The following MAN2A1 variants were observed in gnomAD, a reference collection of about 807,000 sequenced individuals.
MAN2A1 encodes alpha-mannosidase 2.
MAN2A1 carries 76 observed loss-of-function variants against 142.6 expected under a neutral mutation model. The observed-to-expected ratio is 0.53, with a 90% CI of 0.44 to 0.65. The LOEUF (loss-of-function observed/expected upper bound fraction) is 0.65. Among genes scored for constraint, MAN2A1 ranks in the 30% least tolerant of loss-of-function variants. The pLI, the probability that MAN2A1 is intolerant of heterozygous loss-of-function variation, is 0.00. For missense variants in MAN2A1, 1,311 were observed against 1,365.1 expected (o/e 0.96, Z 0.62); for synonymous variants, 559 against 473.2 (o/e 1.18, Z -2.35).
At chr5:109,798,776 G>A (rs1753933760) in intron 12 of MAN2A1, among the ~76,000 whole-genome samples, 1 of 152,106 alleles carries the variant, frequency 6.6e-6, no homozygotes, top group African/African-American at 2.4e-5. Flanking sequence ...CCGCCTCCCA[G>A]GTTCACACCA....
intron 3 of MAN2A1, among the ~76,000 whole-genome samples, chr5:109,725,711 C>T (rs1030169566): frequency 1.3e-5 from 2 of 152,132 alleles, no homozygotes; most frequent in African/African-American, 2.4e-5. Flanking sequence ...AGTGTATATG[C>T]CCTTGAACCA....
rs539836839 is a variant in MAN2A1, at chr5:109,782,485, C to A, written c.1577+887C>A. Among the ~76,000 whole-genome samples, 6 of 152,304 alleles carry A rather than the reference C, an allele frequency of 3.9e-5. No homozygotes were observed. The East Asian group carries it at 1.2e-3, about 29-fold the overall frequency. On this transcript the variant is annotated intron_variant, in intron 9 of 21. Coordinates refer to ENST00000261483, the MANE Select transcript of MAN2A1 (RefSeq NM_002372.4). ...AGGCTGGTTGTTGATAAAGTTAAAA[C>A]TACTCCAGAGGCTCCCAAAGTTTTC...
intron 4 of MAN2A1, among the ~76,000 whole-genome samples, chr5:109,740,452 TCA>T (rs1752235487): frequency 6.6e-6 from 1 of 152,196 alleles, no homozygotes; most frequent in Non-Finnish European, 1.5e-5. Context: ...ATGTGCTGCT[TCA>T]CAGAGTCCAG....
intron 7 of MAN2A1, 146 bp downstream of exon 7, chr5:109,770,687 A>C: frequency 1.4e-6 from 1 of 707,368 alleles, no homozygotes; most frequent in South Asian, 2.0e-5. Context: ...AAAGCAACTT[A>C]AAAATGCCAG....
intron 2 of MAN2A1, among the ~76,000 whole-genome samples, chr5:109,715,772 C>T (rs1449094002): frequency 1.3e-5 from 2 of 152,006 alleles, no homozygotes; most frequent in African/African-American, 2.4e-5. Flanking sequence ...AATATCTGGT[C>T]ATAATCAAAT....
chr5:109,848,721 A>G (rs908467988), intron 19 of MAN2A1, among the ~76,000 whole-genome samples: 2 of 152,178 alleles, frequency 1.3e-5, no homozygotes, highest in South Asian at 4.2e-4. Flanking sequence ...TGCTCCTCAT[A>G]TCCAACACTT....
At chr5:109,792,105 G>T (rs965728251) in intron 12 of MAN2A1, among the ~76,000 whole-genome samples, 1 of 151,998 alleles carries the variant, frequency 6.6e-6, no homozygotes, top group African/African-American at 2.4e-5. Flanking sequence ...ATAACGCATT[G>T]CCATTGGCTT....
At chr5:109,795,507 T>A (rs1753835768) in intron 12 of MAN2A1, among the ~76,000 whole-genome samples, 1 of 152,190 alleles carries the variant, frequency 6.6e-6, no homozygotes, top group African/African-American at 2.4e-5. Flanking sequence ...TGAACAGTTG[T>A]AGGAATACCA....
At position 109,689,996 on chromosome 5, in the gene MAN2A1, C is replaced by T. The variant is rs1417113934; in HGVS notation, c.-422C>T. 1 of 174,972 alleles carries T rather than the reference C, an allele frequency of 5.7e-6. No homozygotes were observed. The highest frequency in any genetic ancestry group is 1.6e-4 in the East Asian group (1 of 6,138). 10.8% of individuals were successfully genotyped at this position (174,972 alleles called of 1,614,324 possible). A position where few individuals can be genotyped will look rare whatever the true frequency, so the allele number is the denominator to read the frequency against. Reference sequence around the variant, plus strand: ...GGGAGCTGCCGAACCCGCGCCTCCCCTGGGTGAGGAGGACACGCCTGCCCT... The same window carrying T: ...GGGAGCTGCCGAACCCGCGCCTCCCTTGGGTGAGGAGGACACGCCTGCCCT... On this transcript the variant is annotated 5_prime_UTR_variant, in exon 1 of 22. Coordinates refer to ENST00000261483, the MANE Select transcript of MAN2A1 (RefSeq NM_002372.4).
Position 109,723,055 on chromosome 5 carries a change from G to T in MAN2A1, c.536-6287G>T, listed in dbSNP as rs1751648812. ...TGCAGCTATGAGAAAAAGTATGCAG[G>T]TCTTCTAAGGGGCACTTAGAAAAGC... On this transcript the variant is annotated intron_variant, in intron 3 of 21. Transcript: ENST00000261483. 1.6e-4 allele frequency among the ~76,000 whole-genome samples: 25 copies of T among 152,228 alleles called. No individual in the cohort carries two copies. The South Asian group carries it at 5.2e-3, about 32-fold the overall frequency.
In MAN2A1 at chr5:109,823,842, G is replaced by A. The variant is rs376570377; in HGVS notation, c.2566+5G>A. 1.1e-5 allele frequency: 16 copies of A among 1,394,076 alleles called. No individual in the cohort carries two copies. Among genetic ancestry groups the A allele is most frequent in the Non-Finnish European group, 1.6e-5 (16 of 1,014,242 alleles). 86.4% of individuals were successfully genotyped at this position (1,394,076 alleles called of 1,614,324 possible). A position where few individuals can be genotyped will look rare whatever the true frequency, so the allele number is the denominator to read the frequency against. ...TCCGACTATACCACATACAGGGTAA[G>A]AAAATAGGAATGCAGTTATGAAACA... On this transcript the variant is annotated splice_donor_5th_base_variant and intron_variant, in intron 16 of 21. Coordinates refer to ENST00000261483, the MANE Select transcript of MAN2A1 (RefSeq NM_002372.4).
At chr5:109,792,763 A>T (rs1424703324) in intron 12 of MAN2A1, among the ~76,000 whole-genome samples, 1 of 151,976 alleles carries the variant, frequency 6.6e-6, no homozygotes, top group Non-Finnish European at 1.5e-5. Context: ...GCTCATATAC[A>T]TTGCTGAAAG....
At chr5:109,866,730 G>T in intron 21 of MAN2A1, 116 bp from the exon 22 acceptor site, 1 of 591,154 alleles carries the variant, frequency 1.7e-6, no homozygotes, top group South Asian at 3.0e-5. Flanking sequence ...TTCCTCAAAA[G>T]AGAACTTCAA....
At chr5:109,692,241 A>G (rs991575482) in intron 1 of MAN2A1, among the ~76,000 whole-genome samples, 1 of 152,174 alleles carries the variant, frequency 6.6e-6, no homozygotes, top group Non-Finnish European at 1.5e-5. Context: ...TTAGTCCTCA[A>G]TGAGAGGCTG....
At chr5:109,828,373 A>T (rs1754813679) in intron 16 of MAN2A1, among the ~76,000 whole-genome samples, 1 of 152,188 alleles carries the variant, frequency 6.6e-6, no homozygotes, top group Non-Finnish European at 1.5e-5. Flanking sequence ...CTGTAATTAG[A>T]AGATAGAATA....
At chr5:109,842,242 T>G (rs1755224835) in intron 16 of MAN2A1, 86 bp from the exon 17 acceptor site, 1 of 773,776 alleles carries the variant, frequency 1.3e-6, no homozygotes, top group African/African-American at 1.8e-5. Context: ...AAATGTAACT[T>G]TGGAAAGAGT....
chr5:109,705,300 A>T (rs1403371857), intron 1 of MAN2A1, among the ~76,000 whole-genome samples: 1 of 152,150 alleles, frequency 6.6e-6, no homozygotes, highest in Non-Finnish European at 1.5e-5. Flanking sequence ...TAATTGATTG[A>T]TTCTAAAACT....
chr5:109,830,849 T>A (rs1410941621), intron 16 of MAN2A1, among the ~76,000 whole-genome samples: 1 of 152,214 alleles, frequency 6.6e-6, no homozygotes, highest in Non-Finnish European at 1.5e-5. Context: ...AAAGAGAAGG[T>A]TATTTTAAGG....
chr5:109,733,101 A>G (rs764663065), intron 4 of MAN2A1, among the ~76,000 whole-genome samples: 2,830 of 152,146 alleles, frequency 0.019, 33 homozygotes, highest in Middle Eastern at 0.071. Context: ...TTGGATTCCT[A>G]GGTATTTTAT....
Sources: gnomAD v4.1 joint callset for allele counts (sites outside exome capture counted in the v4.1 genomes callset) on GRCh38, gnomAD v4.1.1 for gene constraint, MANE v1.5 for transcripts, NCBI Gene and HGNC (gene_info 2026-07-23, HGNC 2026-07-21) for gene names.